MGST1: variants seen among roughly 807,000 people sequenced by gnomAD.
The protein encoded by MGST1 is microsomal glutathione S-transferase 1.
Under a neutral mutation model 8.9 loss-of-function variants are expected in MGST1, and 5 were observed. The ratio of observed to expected loss-of-function variants is 0.56; its 90% CI spans 0.29 to 1.19. The LOEUF is 1.19. MGST1 is among the 50% of genes most tolerant of loss of function. MGST1 has a pLI of 0.08. For synonymous variants in MGST1, 54 were observed against 67.8 expected, an observed-to-expected ratio of 0.80 and a Z score of 1.00; for missense variants, 182 against 187.4, an observed-to-expected ratio of 0.97 and a Z score of 0.17.
Position 16,546,223 on chromosome 12 carries a change from T to G in MGST1, n.483-43305T>G, listed in dbSNP as rs1941822894. ...CTGTTTTGCTTTAGGTGATTTAAAC[T>G]CTTCTCCAGGAGCAGGGTGAAAAAA... On this transcript the variant is annotated intron_variant and non_coding_transcript_variant, in intron 4 of 4. Coordinates refer to the MGST1 transcript ENST00000538857. This position sits in a 1 kb window ranked among gnomAD's most constrained non-coding sequence, Gnocchi z 4.7. 6.6e-6 allele frequency among the ~76,000 whole-genome samples: 1 copy of G among 152,144 alleles called. No individual in the cohort carries two copies. Among genetic ancestry groups the G allele is most frequent in the Non-Finnish European group, 1.5e-5 (1 of 67,984 alleles).
At chr12:16,565,041 T>G (rs570372181) in intron 4 of MGST1, among the ~76,000 whole-genome samples, 1 of 152,276 alleles carries the variant, frequency 6.6e-6, no homozygotes, top group East Asian at 1.9e-4. Context: ...CCTCCCAACT[T>G]GGCCTCCCAA....
At chr12:16,532,030 A>G (rs1258672736) in intron 4 of MGST1, among the ~76,000 whole-genome samples, 1 of 152,120 alleles carries the variant, frequency 6.6e-6, no homozygotes, top group East Asian at 1.9e-4. Context: ...GGGTGCCTCA[A>G]GCTTCCCAAA....
At chr12:16,452,790 T>A (rs1941140758) in intron 4 of MGST1, among the ~76,000 whole-genome samples, 1 of 151,910 alleles carries the variant, frequency 6.6e-6, no homozygotes, top group Non-Finnish European at 1.5e-5. Context: ...CATCCACGAC[T>A]ACGTTTCAGT....
intron 1 of MGST1, among the ~76,000 whole-genome samples, chr12:16,431,323 A>G (rs569839018): frequency 5.1e-4 from 78 of 152,258 alleles, no homozygotes; most frequent in African/African-American, 1.8e-3. Flanking sequence ...ATTTCCTTCA[A>G]GAACTTTTCG....
chr12:16,587,679 C>T lies in MGST1; in HGVS notation n.483-1849C>T, dbSNP rs934316149. On this transcript the variant is annotated intron_variant and non_coding_transcript_variant, in intron 4 of 4. Transcript: ENST00000538857. The surrounding 1 kb of genome is among the most constrained non-coding windows in gnomAD (Gnocchi z 4.3). ...GTCTGTCAGGAGTGCATTTTAACAG[C>T]ACGACACAAGTATTTTTCACTACAG... Among the ~76,000 whole-genome samples, 1 of 151,722 alleles carries T rather than the reference C, an allele frequency of 6.6e-6. No individual in the cohort carries two copies. Among genetic ancestry groups the T allele is most frequent in the Non-Finnish European group, 1.5e-5 (1 of 67,778 alleles).
chr12:16,471,670 C>T (rs1941290220), intron 4 of MGST1, among the ~76,000 whole-genome samples: 1 of 152,084 alleles, frequency 6.6e-6, no homozygotes, highest in Non-Finnish European at 1.5e-5. Context: ...GCTTGCAGGT[C>T]CAGAAGACAA....
intron 1 of MGST1, among the ~76,000 whole-genome samples, chr12:16,350,415 G>A (rs1939409219): frequency 6.6e-6 from 1 of 152,190 alleles, no homozygotes; most frequent in Non-Finnish European, 1.5e-5. Flanking sequence ...CCAAATTAGT[G>A]TTTTTCCCTG....
intron 1 of MGST1, chr12:16,402,344 T>C: frequency 6.2e-7 from 1 of 1,600,834 alleles, no homozygotes; most frequent in African/African-American, 1.3e-5. Flanking sequence ...GGCATACTCA[T>C]CTTCTCCTTT....
At chr12:16,558,212 G>T (rs1160324625) in intron 4 of MGST1, among the ~76,000 whole-genome samples, 1 of 151,988 alleles carries the variant, frequency 6.6e-6, no homozygotes, top group African/African-American at 2.4e-5. Flanking sequence ...TTGTCCTATA[G>T]ACATAGGAAC....
At chr12:16,507,236 A>G (rs575436277) in intron 4 of MGST1, among the ~76,000 whole-genome samples, 2 of 152,152 alleles carry the variant, frequency 1.3e-5, no homozygotes, top group Non-Finnish European at 2.9e-5. Context: ...CATTGGGCCA[A>G]TGTGTTTGGT....
At chr12:16,536,683 C>T (rs1048337281) in intron 4 of MGST1, among the ~76,000 whole-genome samples, 4 of 152,056 alleles carry the variant, frequency 2.6e-5, no homozygotes, top group South Asian at 2.1e-4. Flanking sequence ...GTGAAAGGCA[C>T]GTCTTACATG....
downstream of MGST1, among the ~76,000 whole-genome samples, chr12:16,378,021 A>T (rs2137035336): frequency 6.6e-6 from 1 of 151,332 alleles, no homozygotes. Flanking sequence ...AATTTGTTTG[A>T]GTTCATTGTA....
intron 4 of MGST1, among the ~76,000 whole-genome samples, chr12:16,459,394 C>A (rs1406366604): frequency 6.6e-6 from 1 of 152,024 alleles, no homozygotes; most frequent in Non-Finnish European, 1.5e-5. Context: ...GAATCAAGAA[C>A]CTTTCCATTC....
downstream of MGST1, among the ~76,000 whole-genome samples, chr12:16,381,981 G>A (rs1420778700): frequency 1.3e-5 from 2 of 152,132 alleles, no homozygotes; most frequent in Non-Finnish European, 2.9e-5. Flanking sequence ...TTGGTTTTCA[G>A]CTCCATCAGG....
At chr12:16,380,802 A>G (rs1046648084), downstream of MGST1, among the ~76,000 whole-genome samples, 1 of 152,138 alleles carries the variant, frequency 6.6e-6, no homozygotes, top group Admixed American at 6.5e-5. Context: ...GTCACTGATG[A>G]CTTGCTTTAT....
chr12:16,496,590 T>C (rs1036295831), intron 4 of MGST1, among the ~76,000 whole-genome samples: 2 of 152,088 alleles, frequency 1.3e-5, no homozygotes, highest in African/African-American at 2.4e-5. Flanking sequence ...AAACTGAGCA[T>C]AGTATCCAGT....
chr12:16,399,704 A>G (rs925264353), intron 1 of MGST1: 11 of 1,291,164 alleles, frequency 8.5e-6, no homozygotes, highest in Admixed American at 8.4e-5. Flanking sequence ...GGTCATCAAC[A>G]ATGGTCTTTA....
At chr12:16,569,509 CTTACGAGCAGGTG>C (rs1942735590) in intron 4 of MGST1, among the ~76,000 whole-genome samples, 1 of 152,128 alleles carries the variant, frequency 6.6e-6, no homozygotes, top group Non-Finnish European at 1.5e-5. Context: ...TTTCCAAAGC[CTTACGAGCAGGTG>C]TTACTGCTAT....
At chr12:16,529,855 A>G (rs2137199031) in intron 4 of MGST1, among the ~76,000 whole-genome samples, 1 of 152,210 alleles carries the variant, frequency 6.6e-6, no homozygotes, top group Middle Eastern at 3.4e-3. Context: ...AACCATCCAA[A>G]TAAATATAAT....
Sources: allele counts gnomAD v4.1 joint callset (sites outside exome capture counted in the v4.1 genomes callset), GRCh38; gene constraint gnomAD v4.1.1; non-coding constraint Gnocchi (gnomAD v3.1); transcripts MANE v1.5; gene names NCBI Gene and HGNC (gene_info 2026-07-23, HGNC 2026-07-21).